The following SLC6A2 variants were observed in gnomAD, a reference collection of about 807,000 sequenced individuals.
SLC6A2 encodes the protein sodium-dependent noradrenaline transporter.
In SLC6A2, 26 loss-of-function variants were observed where a neutral mutation model predicts 71.7. The observed-to-expected ratio is 0.36, with a 90% CI of 0.27 to 0.50. The LOEUF is 0.50. Among genes scored for constraint, SLC6A2 ranks in the 20% least tolerant of loss-of-function variants. The probability of loss-of-function intolerance (pLI) is 0.96; values close to 1 mark genes in which losing one functional copy is unlikely to be tolerated. For missense variants in SLC6A2, 581 were observed against 803.9 expected, an observed-to-expected ratio of 0.72 and a Z score of 3.35; for synonymous variants, 363 against 337.9, an observed-to-expected ratio of 1.07 and a Z score of -0.82.
In SLC6A2 at chr16:55,694,091, A is replaced by C; in HGVS notation, c.1000A>C (p.Lys334Gln). Residue 334 changes from lysine (K) to glutamine (Q), a missense_variant, in exon 7 of 15, where the codon AAA becomes CAA. Lys to Gln is a moderately conservative substitution (Grantham distance 53). This residue lies in a region of SLC6A2 where 334 missense variants were observed against 449.0 expected (regional missense o/e 0.74). Transcript: ENST00000568943. ...GVLIAFASYN[K>Q]FDNNCYRDAL... is the part of the protein sequence containing the mutation. ...ATTGATTGCATTTGCCAGTTACAAC[A>C]AATTTGACAACAACTGTTACAGGTA... 6.2e-7 allele frequency: 1 copy of C among 1,606,934 alleles called. No individual in the cohort carries two copies. Among genetic ancestry groups the C allele is most frequent in the Non-Finnish European group, 8.5e-7 (1 of 1,173,360 alleles).
At chr16:55,677,350 A>G (rs1417964050) in intron 4 of SLC6A2, among the ~76,000 whole-genome samples, 1 of 152,136 alleles carries the variant, frequency 6.6e-6, no homozygotes, top group Non-Finnish European at 1.5e-5. Flanking sequence ...ATAAAGGAAA[A>G]AGCATGATTT....
At chr16:55,700,388 G>A (rs569486776) in intron 13 of SLC6A2, 82 bp downstream of exon 13, 4 of 1,276,642 alleles carry the variant, frequency 3.1e-6, no homozygotes, top group South Asian at 2.8e-5. Flanking sequence ...CTGTTGGGGT[G>A]GGGGAAGGGA....
chr16:55,685,140 C>T lies in SLC6A2; in HGVS notation c.645-3C>T, dbSNP rs761429886. 1 of 1,614,130 alleles carries T rather than the reference C, an allele frequency of 6.2e-7. No homozygotes were observed. Among genetic ancestry groups the T allele is most frequent in the Non-Finnish European group, 8.5e-7 (1 of 1,180,014 alleles). ...CTGGTCCCCTCCCCTCTCCTCTGGG[C>T]AGGCGTGGTGTCCTGCACCTTCACG... On this transcript the variant is annotated splice_polypyrimidine_tract_variant and splice_region_variant and intron_variant, in intron 4 of 14. Coordinates refer to ENST00000568943, the MANE Select transcript of SLC6A2 (RefSeq NM_001172501.3).
At chr16:55,675,739 T>A (rs1194485594) in intron 4 of SLC6A2, among the ~76,000 whole-genome samples, 3 of 151,982 alleles carry the variant, frequency 2.0e-5, no homozygotes, top group Non-Finnish European at 2.9e-5. Flanking sequence ...TAGACATGTG[T>A]GGCCAGTTGC....
chr16:55,699,589 A>T lies in SLC6A2; in HGVS notation c.1525A>T (p.Met509Leu). The T allele has an allele frequency of 1.2e-6, 2 of 1,614,104 alleles. No individual in the cohort carries two copies. The highest frequency in any genetic ancestry group is 1.7e-6 in the Non-Finnish European group (2 of 1,179,996). ...GTTCAGCAACGACATCCAGCAGATG[A>T]TGGGGTTCAGGCCGGGTCTATACTG... is the stretch of plus-strand genomic sequence containing the variant. ...DRFSNDIQQM[M>L]GFRPGLYWRL... Residue 509 changes from methionine (M) to leucine (L), a missense_variant, in exon 12 of 15, where the codon ATG becomes TTG. Physicochemically the swap from Met to Leu is conservative, Grantham distance 15. Coordinates refer to ENST00000568943, the MANE Select transcript of SLC6A2 (RefSeq NM_001172501.3).
intron 12 of SLC6A2, 113 bp downstream of exon 12, chr16:55,699,767 T>C (rs1965912418): frequency 1.3e-6 from 1 of 798,866 alleles, no homozygotes; most frequent in Non-Finnish European, 2.2e-6. Flanking sequence ...CCAGAGGCCC[T>C]GGTCATGCAG....
At position 55,705,605 on chromosome 16, in the gene SLC6A2, AATCAGGGGTTAT is replaced by A. The variant is rs11274772; in HGVS notation, c.*3265_*3276del. 7,894 of 244,512 alleles carry A rather than the reference AATCAGGGGTTAT, an allele frequency of 0.032. 324 individuals are homozygous for A. Among genetic ancestry groups the A allele is most frequent in the East Asian group, 0.18 (2,200 of 12,150 alleles). The allele number at this position is 244,512 out of a possible 1,614,324, so 15.1% of individuals were successfully genotyped here. On this transcript the variant is annotated 3_prime_UTR_variant, in exon 15 of 15. Transcript: ENST00000568943. ...GGGCTTCAAGATTCTTTGTCTTTAA[AATCAGGGGTTAT>A]ATCAGATCATCAAAGTTCCCATTCC...
Position 55,704,944 on chromosome 16 carries a change from T to C in SLC6A2, c.*2598T>C, listed in dbSNP as rs1966071565. The stretch of plus-strand genomic sequence containing the variant: ...GGGAGGTGCTTGGAGATCATTTGGG[T>C]TTACCTTTCCACCCACATTTAATGG... On this transcript the variant is annotated 3_prime_UTR_variant, in exon 15 of 15. Coordinates refer to ENST00000568943, the MANE Select transcript of SLC6A2 (RefSeq NM_001172501.3). 2 of 302,184 alleles carry C rather than the reference T, an allele frequency of 6.6e-6. No individual in the cohort carries two copies. Among genetic ancestry groups the C allele is most frequent in the East Asian group, 5.7e-5 (1 of 17,516 alleles). 18.7% of individuals were successfully genotyped at this position (302,184 alleles called of 1,614,324 possible). A position where few individuals can be genotyped will look rare whatever the true frequency, so the allele number is the denominator to read the frequency against.
At chr16:55,686,534 G>A (rs199888828) in intron 5 of SLC6A2, among the ~76,000 whole-genome samples, 19 of 152,236 alleles carry the variant, frequency 1.2e-4, no homozygotes, top group South Asian at 8.3e-4. Context: ...GGGCCACAGC[G>A]CAACAGTCTA....
At chr16:55,678,251 T>C (rs1965158354) in intron 4 of SLC6A2, among the ~76,000 whole-genome samples, 1 of 151,556 alleles carries the variant, frequency 6.6e-6, no homozygotes, top group African/African-American at 2.4e-5. Flanking sequence ...TTGCCCTTTC[T>C]GGCCTGGAGC....
intron 3 of SLC6A2, among the ~76,000 whole-genome samples, chr16:55,670,901 C>G (rs1483575968): frequency 6.6e-6 from 1 of 152,168 alleles, no homozygotes; most frequent in Non-Finnish European, 1.5e-5. Context: ...CTAATCATAG[C>G]TTAAGGCTAA....
At chr16:55,687,149 T>C (rs1453850854) in intron 5 of SLC6A2, among the ~76,000 whole-genome samples, 3 of 172 alleles carry the variant, frequency 0.017, no homozygotes, top group Non-Finnish European at 0.1. Flanking sequence ...AATAAAAACC[T>C]GTGGTCACAA....
chr16:55,697,528 G>T (rs958833924), intron 9 of SLC6A2, among the ~76,000 whole-genome samples: 2 of 152,194 alleles, frequency 1.3e-5, no homozygotes, highest in African/African-American at 4.8e-5. Flanking sequence ...GTTGTTTCCA[G>T]AGACACTTAT....
At chr16:55,683,625 CAA>C (rs1324364691) in intron 4 of SLC6A2, among the ~76,000 whole-genome samples, 1 of 151,742 alleles carries the variant, frequency 6.6e-6, no homozygotes, top group Non-Finnish European at 1.5e-5. Context: ...AACAAACAAA[CAA>C]ACAAACAAAC....
chr16:55,666,692 C>T (rs1335849966), intron 2 of SLC6A2, among the ~76,000 whole-genome samples: 7 of 152,180 alleles, frequency 4.6e-5, no homozygotes, highest in African/African-American at 1.7e-4. Flanking sequence ...TACTGTGCCT[C>T]CCAGCCAGCA....
At chr16:55,695,524 AAACC>A in intron 8 of SLC6A2, 122 bp downstream of exon 8, 1 of 1,098,370 alleles carries the variant, frequency 9.1e-7, no homozygotes, top group Non-Finnish European at 1.4e-6. Flanking sequence ...GGAGGTGTCC[AAACC>A]ACCCATGTGA....
intron 2 of SLC6A2, among the ~76,000 whole-genome samples, chr16:55,662,988 G>A (rs1567431096): frequency 6.6e-6 from 1 of 152,176 alleles, no homozygotes; most frequent in Admixed American, 6.5e-5. Flanking sequence ...CCTGGAGATA[G>A]CATCAGATCC....
At chr16:55,700,367 G>A (rs1381498437) in intron 13 of SLC6A2, 61 bp downstream of exon 13, 8 of 1,443,462 alleles carry the variant, frequency 5.5e-6, no homozygotes, top group South Asian at 3.8e-5. Context: ...AAGACGGGAC[G>A]ACTCTCATTC....
intron 5 of SLC6A2, among the ~76,000 whole-genome samples, 168 bp downstream of exon 5, chr16:55,685,449 T>C (rs1179271006): frequency 6.6e-6 from 1 of 152,170 alleles, no homozygotes; most frequent in East Asian, 1.9e-4. Context: ...TCCCTTCCCT[T>C]CCTTTCCTTT....
Sources: allele counts gnomAD v4.1 joint callset (sites outside exome capture counted in the v4.1 genomes callset), GRCh38; gene constraint gnomAD v4.1.1; regional missense constraint gnomAD v4.1.1; transcripts MANE v1.5; gene names NCBI Gene and HGNC (gene_info 2026-07-23, HGNC 2026-07-21).